TMEM177: variants seen among roughly 807,000 people sequenced by gnomAD.
TMEM177 encodes transmembrane protein 177.
Under a neutral mutation model 14.2 loss-of-function variants are expected in TMEM177, and 4 were observed. That is an observed-to-expected ratio of 0.28 (90% CI 0.14 to 0.64). The LOEUF (loss-of-function observed/expected upper bound fraction) is 0.64, where lower values mean the gene tolerates loss of function less well. TMEM177 is among the 30% of genes least tolerant of loss of function. TMEM177 has a pLI of 0.82. For synonymous variants in TMEM177, 179 were observed against 174.5 expected, an observed-to-expected ratio of 1.03 and a Z score of -0.20; for missense variants, 344 against 405.2, an observed-to-expected ratio of 0.85 and a Z score of 1.30.
At chr2:119,695,995 A>G in the TMEM177 span, among the ~76,000 whole-genome samples, 1 of 152,178 alleles carries the variant, frequency 6.6e-6, no homozygotes, top group African/African-American at 2.4e-5. Context: ...GATTTACCCA[A>G]CAAAAGGTGT....
At chr2:119,717,605 C>CTTTTTTTTTT in the TMEM177 span, among the ~76,000 whole-genome samples, 1 of 88,446 alleles carries the variant, frequency 1.1e-5, no homozygotes, top group Non-Finnish European at 2.1e-5. Context: ...TGACTTGAGT[C>CTTTTTTTTTT]TTTTTTTTTT....
the TMEM177 span, among the ~76,000 whole-genome samples, chr2:119,708,884 G>A: frequency 6.6e-6 from 1 of 151,994 alleles, no homozygotes; most frequent in South Asian, 2.1e-4. Context: ...TCTTTGTTTT[G>A]TTTTCCTCAT....
chr2:119,699,104 A>G, the TMEM177 span: 1 of 174,144 alleles, frequency 5.7e-6, no homozygotes, highest in Non-Finnish European at 1.2e-5. Context: ...GACAGTGTGT[A>G]CCTGTATTAG....
chr2:119,711,367 T>C, the TMEM177 span, among the ~76,000 whole-genome samples: 1 of 152,176 alleles, frequency 6.6e-6, no homozygotes, highest in Non-Finnish European at 1.5e-5. Context: ...TTAATCTCTA[T>C]TTTCTCATCT....
the TMEM177 span, among the ~76,000 whole-genome samples, chr2:119,701,336 G>GC: frequency 1.3e-5 from 2 of 152,306 alleles, no homozygotes; most frequent in African/African-American, 4.8e-5. Context: ...GTTGAGCCAG[G>GC]CTAAGGTTCC....
At chr2:119,691,205 G>T (rs922163419), downstream of TMEM177, among the ~76,000 whole-genome samples, 9 of 152,188 alleles carry the variant, frequency 5.9e-5, no homozygotes, top group Non-Finnish European at 8.8e-5. Context: ...CTAAGATCCC[G>T]GCTCTGCAAC....
At chr2:119,716,806 A>G in the TMEM177 span, among the ~76,000 whole-genome samples, 23 of 152,328 alleles carry the variant, frequency 1.5e-4, no homozygotes, top group African/African-American at 5.3e-4. Context: ...CTCAATTCCT[A>G]TGTCTACTCA....
At chr2:119,694,153 CAT>C in the TMEM177 span, among the ~76,000 whole-genome samples, 10 of 66,720 alleles carry the variant, frequency 1.5e-4, no homozygotes, top group African/African-American at 5.0e-4. Context: ...GTACCACACA[CAT>C]GCAACGTGCC....
At chr2:119,715,836 G>C in the TMEM177 span, among the ~76,000 whole-genome samples, 1 of 152,236 alleles carries the variant, frequency 6.6e-6, no homozygotes, top group Non-Finnish European at 1.5e-5. Context: ...GCCTGTCCCT[G>C]TGTTGTTAAG....
At chr2:119,699,961 A>G in the TMEM177 span, 1 of 390,542 alleles carries the variant, frequency 2.6e-6, no homozygotes. Flanking sequence ...CATCCAGGTG[A>G]ATAAAGCACG....
chr2:119,681,763 G>A lies in TMEM177; in HGVS notation c.910G>A (p.Gly304Arg). The A allele has an allele frequency of 6.2e-7, 1 of 1,613,984 alleles. No homozygotes were observed. Among genetic ancestry groups the A allele is most frequent in the East Asian group, 2.2e-5 (1 of 44,882 alleles). The change falls in exon 2 of 2, where the codon GGG becomes AGG. Residue 304 changes from glycine (G) to arginine (R), a missense_variant. Gly to Arg is a moderately radical substitution (Grantham distance 125, BLOSUM62 -2). Coordinates refer to ENST00000272521, the MANE Select transcript of TMEM177 (RefSeq NM_030577.3). ...GGACTCTGTGCTGCAGATGTGGAGG[G>A]GGATGCTCAATCCGGGCCGCTCCTG... ...RRDSVLQMWR[G>R]MLNPGRS
chr2:119,717,146 T>C, the TMEM177 span, among the ~76,000 whole-genome samples: 1 of 152,190 alleles, frequency 6.6e-6, no homozygotes, highest in Non-Finnish European at 1.5e-5. Flanking sequence ...CTCCCCTTGC[T>C]GGCCATTCTA....
chr2:119,696,809 T>G, the TMEM177 span, among the ~76,000 whole-genome samples: 1 of 149,122 alleles, frequency 6.7e-6, no homozygotes. Flanking sequence ...CATTTGAAGT[T>G]GGAGCAGGGA....
At chr2:119,687,902 A>G (rs1183700359), downstream of TMEM177, among the ~76,000 whole-genome samples, 1 of 152,214 alleles carries the variant, frequency 6.6e-6, no homozygotes, top group African/African-American at 2.4e-5. Flanking sequence ...TTGGAAAGCA[A>G]TTTGGCAAAA....
At chr2:119,693,407 G>A in the TMEM177 span, among the ~76,000 whole-genome samples, 12 of 152,262 alleles carry the variant, frequency 7.9e-5, no homozygotes, top group South Asian at 8.3e-4. Context: ...GCTAAAGATC[G>A]GTCTCTCCTA....
At chr2:119,691,790 G>C in the TMEM177 span, among the ~76,000 whole-genome samples, 1 of 152,218 alleles carries the variant, frequency 6.6e-6, no homozygotes, top group South Asian at 2.1e-4. Context: ...GGCAAGGCCT[G>C]CAGACCCCAG....
At chr2:119,694,100 CACAA>C in the TMEM177 span, among the ~76,000 whole-genome samples, 23 of 144,390 alleles carry the variant, frequency 1.6e-4, no homozygotes, top group Non-Finnish European at 2.7e-4. Context: ...ACATGGCACA[CACAA>C]ACACATACCA....
rs980740277 is a variant in TMEM177 at position 119,681,359 on chromosome 2, A to G, written c.506A>G (p.His169Arg). Residue 169 changes from histidine to arginine, a missense_variant, in exon 2 of 2, where the codon CAC (histidine) becomes CGC (arginine). His to Arg is a conservative substitution (Grantham distance 29). Coordinates refer to ENST00000272521, the MANE Select transcript of TMEM177 (RefSeq NM_030577.3). The stretch of plus-strand genomic sequence containing the variant: ...CTGGAAAGCAGTACCACTGCCGTGC[A>G]CGCCCTGCTGGCCCCAGCTTGCCTG... The part of the protein sequence containing the change: ...VYLESSTTAV[H>R]ALLAPACLAG... 1 of 1,614,024 alleles carries G rather than the reference A, an allele frequency of 6.2e-7. No individual in the cohort carries two copies. Among genetic ancestry groups the G allele is most frequent in the Non-Finnish European group, 8.5e-7 (1 of 1,179,918 alleles).
the TMEM177 span, among the ~76,000 whole-genome samples, chr2:119,692,465 C>T: frequency 6.6e-6 from 1 of 152,252 alleles, no homozygotes; most frequent in East Asian, 1.9e-4. Context: ...CGAACAGCAG[C>T]TCCCACCAAC....
Sources: allele counts gnomAD v4.1 joint callset (sites outside exome capture counted in the v4.1 genomes callset), GRCh38; gene constraint gnomAD v4.1.1; transcripts MANE v1.5; gene names NCBI Gene and HGNC (gene_info 2026-07-23, HGNC 2026-07-21).